The following CACNA2D1 variants were observed in gnomAD, a reference collection of about 807,000 sequenced individuals.
The protein encoded by CACNA2D1 is voltage-dependent calcium channel subunit alpha-2/delta-1.
A neutral mutation model predicts 171.5 loss-of-function variants in CACNA2D1; 53 were observed. The observed-to-expected ratio is 0.31, with a 90% CI of 0.25 to 0.39. The LOEUF is 0.39. Among genes scored for constraint, CACNA2D1 ranks in the 10% least tolerant of loss-of-function variants. The pLI, the probability that CACNA2D1 is intolerant of heterozygous loss-of-function variation, is 1.00. For synonymous variants in CACNA2D1, 442 were observed against 443.1 expected (o/e 1.00, Z 0.03); for missense variants, 903 against 1,299.8 (o/e 0.69, Z 4.69).
At chr7:82,301,730 T>TAC (rs4018910) in intron 3 of CACNA2D1, among the ~76,000 whole-genome samples, 13,176 of 142,108 alleles carry the variant, frequency 0.093, 569 homozygotes, top group Admixed American at 0.13. Flanking sequence ...TGGTAAATAA[T>TAC]ACACACACAC....
chr7:82,162,846 T>C (rs1795087316), intron 4 of CACNA2D1, among the ~76,000 whole-genome samples: 1 of 151,954 alleles, frequency 6.6e-6, no homozygotes, highest in Non-Finnish European at 1.5e-5. Context: ...GCTCCCAATG[T>C]CAAAATGTAT....
chr7:82,435,170 G>A (rs1830018870), intron 1 of CACNA2D1, among the ~76,000 whole-genome samples: 1 of 151,406 alleles, frequency 6.6e-6, no homozygotes, highest in Non-Finnish European at 1.5e-5. Context: ...TCAGCAGCTG[G>A]GACTACAGGC....
chr7:82,033,397 G>A, intron 11 of CACNA2D1, among the ~76,000 whole-genome samples: 1 of 151,916 alleles, frequency 6.6e-6, no homozygotes. Context: ...TTAAAAAAAT[G>A]AGCTTTTAAT....
chr7:82,426,632 C>T (rs1829221413), intron 1 of CACNA2D1, among the ~76,000 whole-genome samples: 1 of 152,078 alleles, frequency 6.6e-6, no homozygotes, highest in Non-Finnish European at 1.5e-5. Flanking sequence ...GTATCTTTAA[C>T]GTTACAATTT....
At chr7:82,101,410 C>T (rs562487613) in intron 6 of CACNA2D1, among the ~76,000 whole-genome samples, 1 of 152,016 alleles carries the variant, frequency 6.6e-6, no homozygotes, top group Non-Finnish European at 1.5e-5. Context: ...CCTAGAAATT[C>T]AACAAATGAA....
intron 6 of CACNA2D1, among the ~76,000 whole-genome samples, chr7:82,108,874 A>G (rs79083404): frequency 0.081 from 12,393 of 152,254 alleles, 601 homozygotes; most frequent in South Asian, 0.16. Flanking sequence ...CTTGTCCTCA[A>G]TGTCTTATGA....
chr7:82,149,874 G>A (rs1350356552), intron 4 of CACNA2D1, among the ~76,000 whole-genome samples: 1 of 151,826 alleles, frequency 6.6e-6, no homozygotes, highest in African/African-American at 2.4e-5. Context: ...GGAGAATGGC[G>A]TGAACCCGGG....
rs1803534389 is a variant in CACNA2D1 at position 82,038,170 on chromosome 7, T to C, written c.945A>G (p.Lys315=). The change falls in exon 11 of 39, where the codon AAA becomes AAG. Residue 315 remains lysine (K), a synonymous_variant. Coordinates refer to ENST00000356860, the MANE Select transcript of CACNA2D1 (RefSeq NM_000722.4). ...TATTCACCGCGTCTTTCAACACTTT[T>C]TTATTTCTTACATTTGCTTGGACAA... is the stretch of plus-strand genomic sequence containing the variant. ...QHLVQANVRN[K]KVLKDAVNNI... The C allele has an allele frequency of 6.2e-7, 1 of 1,613,840 alleles. No homozygotes were observed. The highest frequency in any genetic ancestry group is 8.5e-7 in the Non-Finnish European group (1 of 1,179,866).
At chr7:82,319,738 A>G (rs1159632859) in intron 3 of CACNA2D1, among the ~76,000 whole-genome samples, 2 of 152,214 alleles carry the variant, frequency 1.3e-5, no homozygotes, top group African/African-American at 4.8e-5. Context: ...GACAGTGTAA[A>G]CAATCAGGGG....
intron 3 of CACNA2D1, among the ~76,000 whole-genome samples, chr7:82,247,023 G>C (rs1226487801): frequency 6.6e-6 from 1 of 152,186 alleles, no homozygotes; most frequent in East Asian, 1.9e-4. Context: ...CAGAGTCCAA[G>C]TAGAAGTCTT....
intron 3 of CACNA2D1, among the ~76,000 whole-genome samples, chr7:82,235,231 C>T (rs1196667753): frequency 2.0e-5 from 3 of 152,078 alleles, no homozygotes; most frequent in Non-Finnish European, 2.9e-5. Flanking sequence ...CTCTCTGGTA[C>T]ATTCGGCAAA....
At chr7:82,139,781 CTTTT>C (rs142894019) in intron 4 of CACNA2D1, among the ~76,000 whole-genome samples, 6 of 142,908 alleles carry the variant, frequency 4.2e-5, no homozygotes, top group African/African-American at 1.5e-4. Context: ...TTGACATTTC[CTTTT>C]TTTTTTTTTT....
At position 82,249,778 on chromosome 7, in the gene CACNA2D1, AC is replaced by A. The variant is rs1157653124; in HGVS notation, c.295-79170del. On this transcript the variant is annotated intron_variant, in intron 3 of 38. Transcript: ENST00000356860. ...TAGACAGATTTTATCTCAGTCCTGA[AC>A]CAATCAGAACCTATCCCTGAAGCTG... Among the ~76,000 whole-genome samples, 3 of 152,218 alleles carry A rather than the reference AC, an allele frequency of 2.0e-5. No individual in the cohort carries two copies. In the East Asian group the frequency reaches 5.8e-4, roughly 29 times the overall value.
chr7:82,357,801 T>C (rs1428087429), intron 1 of CACNA2D1, among the ~76,000 whole-genome samples: 1 of 150,750 alleles, frequency 6.6e-6, no homozygotes, highest in East Asian at 2.0e-4. Context: ...ACATGGCACA[T>C]GTATACGTAT....
chr7:82,211,096 C>G (rs964035210), intron 3 of CACNA2D1, among the ~76,000 whole-genome samples: 1 of 152,138 alleles, frequency 6.6e-6, no homozygotes, highest in Non-Finnish European at 1.5e-5. Flanking sequence ...TGCACAGTAT[C>G]TCTTCTTTGA....
At chr7:82,306,128 G>GT (rs1813700827) in intron 3 of CACNA2D1, among the ~76,000 whole-genome samples, 1 of 152,092 alleles carries the variant, frequency 6.6e-6, no homozygotes, top group African/African-American at 2.4e-5. Flanking sequence ...CTTTGTCTTT[G>GT]TTTTTTGTGT....
In CACNA2D1 at chr7:82,441,936, T is replaced by TA. The variant is rs1349675845; in HGVS notation, c.95+1428dup. Among the ~76,000 whole-genome samples, 4 of 152,354 alleles carry TA rather than the reference T, an allele frequency of 2.6e-5. No individual in the cohort carries two copies. The East Asian group carries it at 5.8e-4, about 22-fold the overall frequency. ...TCTGAAGCATCCTTAGGGTGATTCTTACTCTTTTTATGTTTAAAAATATCT... is the reference window on the plus strand; with the variant it reads ...TCTGAAGCATCCTTAGGGTGATTCTTAACTCTTTTTATGTTTAAAAATATCT... On this transcript the variant is annotated intron_variant, in intron 1 of 38. Transcript: ENST00000356860.
intron 1 of CACNA2D1, among the ~76,000 whole-genome samples, chr7:82,439,871 C>G (rs2129459871): frequency 6.6e-6 from 1 of 151,694 alleles, no homozygotes; most frequent in East Asian, 1.9e-4. Context: ...AATATTTTAT[C>G]TCATAATTGA....
chr7:82,262,508 A>G (rs1214211884), intron 3 of CACNA2D1, among the ~76,000 whole-genome samples: 4 of 152,150 alleles, frequency 2.6e-5, no homozygotes, highest in Non-Finnish European at 5.9e-5. Context: ...TTATTTCTAG[A>G]GCATTGCCGC....
Sources: allele counts gnomAD v4.1 joint callset (sites outside exome capture counted in the v4.1 genomes callset), GRCh38; gene constraint gnomAD v4.1.1; transcripts MANE v1.5; gene names NCBI Gene and HGNC (gene_info 2026-07-23, HGNC 2026-07-21).